CCDC158: variants seen among roughly 807,000 people sequenced by gnomAD.
The protein encoded by CCDC158 is coiled-coil domain-containing protein 158.
Under a neutral mutation model 138.6 loss-of-function variants are expected in CCDC158, and 116 were observed. The ratio of observed to expected loss-of-function variants is 0.84; its 90% CI spans 0.72 to 0.98. CCDC158 has a LOEUF of 0.98. CCDC158 is among the 50% of genes least tolerant of loss of function. The pLI is 0.00. For synonymous variants in CCDC158, 436 were observed against 442.4 expected (o/e 0.99, Z 0.18); for missense variants, 1,265 against 1,306.1 (o/e 0.97, Z 0.48).
chr4:76,335,296 T>C (rs1721378349), intron 18 of CCDC158, among the ~76,000 whole-genome samples: 1 of 152,160 alleles, frequency 6.6e-6, no homozygotes, highest in Non-Finnish European at 1.5e-5. Flanking sequence ...TAATACCCAA[T>C]ATGGAATAAA....
At chr4:76,383,759 C>A in intron 6 of CCDC158, 21 bp from the exon 7 acceptor site, 1 of 1,552,944 alleles carries the variant, frequency 6.4e-7, no homozygotes, top group East Asian at 2.2e-5. Context: ...AAAAGAGACA[C>A]TGATTTAGTT....
intron 4 of CCDC158, among the ~76,000 whole-genome samples, chr4:76,392,999 A>G (rs1284370408): frequency 6.6e-6 from 1 of 152,156 alleles, no homozygotes; most frequent in African/African-American, 2.4e-5. Context: ...TAAAAATCAG[A>G]AAGATATCCC....
intron 4 of CCDC158, among the ~76,000 whole-genome samples, chr4:76,385,135 C>T (rs1044002264): frequency 2.6e-5 from 4 of 152,152 alleles, no homozygotes; most frequent in South Asian, 4.1e-4. Flanking sequence ...ATAGGAGATG[C>T]TGTAGGAGAT....
chr4:76,403,103 T>C (rs754537536), intron 3 of CCDC158, 35 bp downstream of exon 3: 5 of 1,452,646 alleles, frequency 3.4e-6, no homozygotes, highest in Non-Finnish European at 4.8e-6. Flanking sequence ...GTTAATTCTA[T>C]TTTTTCCCCA....
intron 1 of CCDC158, among the ~76,000 whole-genome samples, chr4:76,416,407 C>A (rs1021101416): frequency 6.6e-6 from 1 of 152,192 alleles, no homozygotes; most frequent in African/African-American, 2.4e-5. Context: ...CATCTCCGCA[C>A]ACGGGGAGAA....
chr4:76,338,206 C>T (rs1259166250), intron 18 of CCDC158, among the ~76,000 whole-genome samples: 1 of 152,118 alleles, frequency 6.6e-6, no homozygotes, highest in Non-Finnish European at 1.5e-5. Context: ...GGAGTGGCTG[C>T]AAATACAGAT....
chr4:76,362,446 A>G, intron 12 of CCDC158, 131 bp from the exon 13 acceptor site: 3 of 558,528 alleles, frequency 5.4e-6, no homozygotes, highest in Non-Finnish European at 9.2e-6. Flanking sequence ...TCTGCCTCCT[A>G]TCTGTATTCC....
At chr4:76,322,691 G>T (rs915099474) in intron 24 of CCDC158, among the ~76,000 whole-genome samples, 3 of 152,172 alleles carry the variant, frequency 2.0e-5, no homozygotes, top group African/African-American at 7.2e-5. Context: ...GATTCATGAA[G>T]GCGGGTTATA....
At chr4:76,352,408 A>AAAAATAAAAT (rs71212416) in intron 16 of CCDC158, 4 of 151,406 alleles carry the variant, frequency 2.6e-5, no homozygotes, top group South Asian at 2.1e-4. Context: ...TCCGTCTCAA[A>AAAAATAAAAT]AAAATAAAAT....
chr4:76,326,094 T>G, intron 22 of CCDC158, 79 bp from the exon 23 acceptor site: 1 of 1,180,976 alleles, frequency 8.5e-7, no homozygotes, highest in Non-Finnish European at 1.2e-6. Flanking sequence ...AAGTCAAGCT[T>G]TCATGAGAAA....
intron 15 of CCDC158, among the ~76,000 whole-genome samples, chr4:76,354,939 T>C (rs1723401292): frequency 6.6e-6 from 1 of 152,242 alleles, no homozygotes; most frequent in South Asian, 2.1e-4. Context: ...TATTATTTTA[T>C]GTGTCACTAA....
chr4:76,378,753 T>C (rs1041257395), intron 9 of CCDC158, among the ~76,000 whole-genome samples: 39 of 151,762 alleles, frequency 2.6e-4, no homozygotes, highest in African/African-American at 9.3e-4. Flanking sequence ...TCTTTAGCTA[T>C]GGAAAGTGAA....
At chr4:76,389,466 A>C (rs946831413) in intron 4 of CCDC158, among the ~76,000 whole-genome samples, 26 of 152,174 alleles carry the variant, frequency 1.7e-4, no homozygotes, top group Non-Finnish European at 3.4e-4. Flanking sequence ...CTAAAGCTCT[A>C]GAAAATAGCC....
chr4:76,354,950 T>C (rs1449269655), intron 15 of CCDC158, among the ~76,000 whole-genome samples: 1 of 152,340 alleles, frequency 6.6e-6, no homozygotes, highest in East Asian at 1.9e-4. Flanking sequence ...GTGTCACTAA[T>C]AAAATTTGTT....
At chr4:76,357,233 T>C in intron 14 of CCDC158, 141 bp downstream of exon 14, 1 of 467,928 alleles carries the variant, frequency 2.1e-6, no homozygotes, top group Admixed American at 4.3e-5. Flanking sequence ...ACCTCCATCA[T>C]TAATACCTAC....
chr4:76,328,580 G>T (rs1218164221), intron 22 of CCDC158, among the ~76,000 whole-genome samples: 2 of 152,196 alleles, frequency 1.3e-5, no homozygotes, highest in African/African-American at 4.8e-5. Flanking sequence ...CATCACACCT[G>T]GCTGGTTGTG....
chr4:76,401,182 AGT>A (rs911464705), intron 3 of CCDC158: 2 of 320,128 alleles, frequency 6.2e-6, no homozygotes, highest in African/African-American at 4.4e-5. Flanking sequence ...GGAATAAAGG[AGT>A]GAGATGGTTG....
At chr4:76,365,116 T>C (rs979382070) in intron 12 of CCDC158, among the ~76,000 whole-genome samples, 17 of 152,306 alleles carry the variant, frequency 1.1e-4, no homozygotes, top group African/African-American at 2.6e-4. Context: ...CAGTCCTTTC[T>C]TAGTCTTATT....
chr4:76,315,750 T>C lies in CCDC158; in HGVS notation c.3278-2504A>G, dbSNP rs572934089. On this transcript the variant is annotated intron_variant, in intron 24 of 24. Coordinates refer to ENST00000682701, the MANE Select transcript of CCDC158 (RefSeq NM_001394954.1). Reference sequence around the variant, plus strand: ...CTACGTCCTCTACCAGAGGAGGTGCTGGTATCCACGGCTGGGAGACGTGAA... The same window carrying C: ...CTACGTCCTCTACCAGAGGAGGTGCCGGTATCCACGGCTGGGAGACGTGAA... 5.3e-5 allele frequency among the ~76,000 whole-genome samples: 8 copies of C among 152,320 alleles called. No homozygotes were observed. The East Asian group carries it at 1.5e-3, about 29-fold the overall frequency.
Sources: allele counts gnomAD v4.1 joint callset (sites outside exome capture counted in the v4.1 genomes callset), GRCh38; gene constraint gnomAD v4.1.1; transcripts MANE v1.5; gene names NCBI Gene and HGNC (gene_info 2026-07-23, HGNC 2026-07-21).